The following NPIPA5 variants were observed in gnomAD, a reference collection of about 807,000 sequenced individuals.
NPIPA5 encodes the protein nuclear pore complex interacting protein family member A5.
NPIPA5 carries 6 observed loss-of-function variants against 21.4 expected under a neutral mutation model. That is an observed-to-expected ratio of 0.28 (90% CI 0.15 to 0.55). The LOEUF is 0.55. NPIPA5 is among the 20% of genes least tolerant of loss of function. The probability of loss-of-function intolerance (pLI) is 0.93; values close to 1 mark genes in which losing one functional copy is unlikely to be tolerated. For missense variants in NPIPA5, 99 were observed against 318.2 expected (o/e 0.31, Z 5.24); for synonymous variants, 33 against 115.3 (o/e 0.29, Z 4.57).
chr16:15,379,985 CTGTGTGTG>C (rs370938234), upstream of NPIPA5, among the ~76,000 whole-genome samples: 3 of 143,538 alleles, frequency 2.1e-5, no homozygotes, highest in Non-Finnish European at 4.6e-5. Context: ...GTGTGTGTGT[CTGTGTGTG>C]TGTGTGTGTG....
At chr16:15,372,839 A>G (rs1037689819) in intron 2 of NPIPA5, among the ~76,000 whole-genome samples, 1 of 146,440 alleles carries the variant, frequency 6.8e-6, no homozygotes, top group Non-Finnish European at 1.5e-5. Flanking sequence ...AAGGCTCAAA[A>G]GACAAATTAT....
At chr16:15,374,195 AT>A (rs373986601) in intron 1 of NPIPA5, among the ~76,000 whole-genome samples, 6,070 of 146,034 alleles carry the variant, frequency 0.042, 136 homozygotes, top group Middle Eastern at 0.086. Flanking sequence ...TAAAAAAAAA[AT>A]TTTTTTTTTT....
At chr16:15,381,121 A>T (rs1180846404), upstream of NPIPA5, 4 of 1,534,088 alleles carry the variant, frequency 2.6e-6, no homozygotes, top group African/African-American at 5.5e-5. Flanking sequence ...GTGTTGAATG[A>T]GTGGAAAAAC....
intron 2 of NPIPA5, among the ~76,000 whole-genome samples, chr16:15,372,407 G>C (rs1044525147): frequency 4.1e-5 from 6 of 146,906 alleles, no homozygotes; most frequent in African/African-American, 1.2e-4. Flanking sequence ...ATCACTTGAA[G>C]CCAGGAGGTG....
Position 15,374,342 on chromosome 16 carries a change from G to A in NPIPA5, c.64-499C>T, listed in dbSNP as rs541947670. Among the ~76,000 whole-genome samples the A allele has an allele frequency of 2.2e-4, 33 of 151,642 alleles. 1 individual carries two copies. In the East Asian group the frequency reaches 5.8e-3, roughly 27 times the overall value. ...GCCTCCCGAGCAGCTGAGATTACCG[G>A]TCTCTGCCACCATGCCTGACTAATT... On this transcript the variant is annotated intron_variant, in intron 1 of 7. Coordinates refer to ENST00000360151, the MANE Select transcript of NPIPA5 (RefSeq NM_001277325.2).
chr16:15,364,207 T>G, intron 7 of NPIPA5, 138 bp from the exon 8 acceptor site: 2 of 1,086,124 alleles, frequency 1.8e-6, no homozygotes, highest in South Asian at 3.2e-5. Flanking sequence ...AAAATAGCAG[T>G]GTCAGTGTCA....
In NPIPA5 at chr16:15,372,351, C is replaced by T. The variant is rs751874468; in HGVS notation, c.192+1364G>A. The stretch of plus-strand genomic sequence containing the variant: ...AATACACAAATTAGCTGGGCATGGT[C>T]GTGGGCACCTGTAATCCCAGCTACT... On this transcript the variant is annotated intron_variant, in intron 2 of 7. Coordinates refer to ENST00000360151, the MANE Select transcript of NPIPA5 (RefSeq NM_001277325.2). 2.9e-3 allele frequency among the ~76,000 whole-genome samples: 433 copies of T among 148,058 alleles called. 9 individuals are homozygous for T. The highest frequency in any genetic ancestry group is 0.01 in the Middle Eastern group (3 of 288).
intron 1 of NPIPA5, among the ~76,000 whole-genome samples, chr16:15,376,845 G>C (rs1213003910): frequency 6.6e-6 from 1 of 152,152 alleles, no homozygotes; most frequent in Non-Finnish European, 1.5e-5. Flanking sequence ...AAATTAGCCA[G>C]GCATTGTAAT....
upstream of NPIPA5, among the ~76,000 whole-genome samples, chr16:15,379,707 G>A (rs891326100): frequency 2.1e-4 from 32 of 152,204 alleles, no homozygotes; most frequent in Non-Finnish European, 4.3e-4. Flanking sequence ...CAGCACTTTG[G>A]GAGGCTGAGG....
intron 1 of NPIPA5, among the ~76,000 whole-genome samples, chr16:15,376,900 G>A (rs61084260): frequency 0.065 from 9,910 of 151,842 alleles, 459 homozygotes; most frequent in Admixed American, 0.16. Context: ...CTTGAACCCC[G>A]GAAGCGGAGG....
chr16:15,379,892 C>T (rs912818986), upstream of NPIPA5, among the ~76,000 whole-genome samples: 5 of 151,230 alleles, frequency 3.3e-5, no homozygotes, highest in South Asian at 2.1e-4. Flanking sequence ...TGCAGTGAGC[C>T]GAGATTGTGC....
At chr16:15,374,561 G>T (rs1171039544) in intron 1 of NPIPA5, among the ~76,000 whole-genome samples, 2 of 144,712 alleles carry the variant, frequency 1.4e-5, no homozygotes, top group African/African-American at 2.6e-5. Flanking sequence ...CCAGGCTGGA[G>T]TGCAGTGGTG....
rs557245418 is a variant in NPIPA5, at chr16:15,370,660, A to G, written c.193-541T>C. 2.1e-4 allele frequency among the ~76,000 whole-genome samples: 30 copies of G among 141,646 alleles called. 3 individuals are homozygous for G. The South Asian group carries it at 5.2e-3, about 25-fold the overall frequency. 92.9% of individuals were successfully genotyped at this position (141,646 alleles called of 152,430 possible). ...CAGCTAGTCGGGAGGCTGAGGCAGGAGAATCACTTGAACCCAGCAGGAAAA... is the reference window on the plus strand; with the variant it reads ...CAGCTAGTCGGGAGGCTGAGGCAGGGGAATCACTTGAACCCAGCAGGAAAA... On this transcript the variant is annotated intron_variant, in intron 2 of 7. Coordinates refer to ENST00000360151, the MANE Select transcript of NPIPA5 (RefSeq NM_001277325.2).
At chr16:15,370,385 C>T (rs906920581) in intron 2 of NPIPA5, among the ~76,000 whole-genome samples, 3 of 139,830 alleles carry the variant, frequency 2.1e-5, no homozygotes, top group Non-Finnish European at 3.1e-5. Flanking sequence ...GAGATCACAC[C>T]ACTGCACTCC....
chr16:15,371,534 T>G (rs1375593625), intron 2 of NPIPA5, among the ~76,000 whole-genome samples: 1 of 146,700 alleles, frequency 6.8e-6, no homozygotes. Context: ...TGAGACGGAG[T>G]GTCAGTCAAC....
chr16:15,380,349 G>C (rs1242426540), upstream of NPIPA5, among the ~76,000 whole-genome samples: 2 of 149,510 alleles, frequency 1.3e-5, no homozygotes, highest in South Asian at 2.1e-4. Flanking sequence ...TTTTGACAGA[G>C]TCTCGCTCTG....
intron 2 of NPIPA5, among the ~76,000 whole-genome samples, chr16:15,370,940 C>T (rs62037829): frequency 3.1e-5 from 4 of 128,046 alleles, no homozygotes; most frequent in Admixed American, 9.0e-5. Context: ...CCAGCTACTC[C>T]GGAGGCTGAG....
intron 2 of NPIPA5, among the ~76,000 whole-genome samples, chr16:15,371,349 C>A (rs1330837355): frequency 6.9e-6 from 1 of 144,952 alleles, no homozygotes; most frequent in Non-Finnish European, 1.5e-5. Flanking sequence ...GCAAAACATT[C>A]TCACTAATGA....
At chr16:15,377,639 GA>G (rs1161899100) in intron 1 of NPIPA5, among the ~76,000 whole-genome samples, 2 of 119,862 alleles carry the variant, frequency 1.7e-5, no homozygotes, top group Non-Finnish European at 3.5e-5. Flanking sequence ...AGGGGGAGGG[GA>G]GGGGGAGGGG....
Sources: gnomAD v4.1 joint callset for allele counts (sites outside exome capture counted in the v4.1 genomes callset) on GRCh38, gnomAD v4.1.1 for gene constraint, MANE v1.5 for transcripts, NCBI Gene and HGNC (gene_info 2026-07-23, HGNC 2026-07-21) for gene names.